The following PTPRO variants were observed in gnomAD, a reference collection of about 807,000 sequenced individuals.
PTPRO encodes receptor-type tyrosine-protein phosphatase O.
In PTPRO, 62 loss-of-function variants were observed where a neutral mutation model predicts 145.2. That is an observed-to-expected ratio of 0.43 (90% CI 0.35 to 0.53). The LOEUF (loss-of-function observed/expected upper bound fraction) is 0.53. Ranked by LOEUF, PTPRO falls within the 20% of genes least tolerant of loss-of-function variation. The probability of loss-of-function intolerance (pLI) is 0.01; values close to 1 mark genes in which losing one functional copy is unlikely to be tolerated. For synonymous variants in PTPRO, 565 were observed against 514.7 expected, an observed-to-expected ratio of 1.10 and a Z score of -1.32; for missense variants, 1,345 against 1,482.7, an observed-to-expected ratio of 0.91 and a Z score of 1.53.
rs1383369993 is a variant in PTPRO at position 15,504,083 on chromosome 12, A to T, written c.1267+14A>T. ...GCTTTTATATCAGTAAGTAACAAAGAGATCATTTTACACTTACTGGGGAGC... is the reference window on the plus strand; with the variant it reads ...GCTTTTATATCAGTAAGTAACAAAGTGATCATTTTACACTTACTGGGGAGC... On this transcript the variant is annotated intron_variant, in intron 6 of 26. Transcript: ENST00000281171. 6.2e-7 allele frequency: 1 copy of T among 1,603,366 alleles called. No individual in the cohort carries two copies. The highest frequency in any genetic ancestry group is 2.2e-5 in the East Asian group (1 of 44,704).
Position 15,580,732 on chromosome 12 carries a change from G to A in PTPRO, c.3033G>A (p.Gln1011=), listed in dbSNP as rs761033850. 6 of 1,613,914 alleles carry A rather than the reference G, an allele frequency of 3.7e-6. No individual in the cohort carries two copies. The highest frequency in any genetic ancestry group is 5.1e-6 in the Non-Finnish European group (6 of 1,179,974). ...CACCCCAGGAGTATATTGCCACCCAGGGGCCACTGCCTGAAACCAGAAATG... is the reference window on the plus strand; with the variant it reads ...CACCCCAGGAGTATATTGCCACCCAAGGGCCACTGCCTGAAACCAGAAATG... ...YNSPQEYIAT[Q]GPLPETRNDF... The change falls in exon 22 of 27, where the codon CAG becomes CAA. Residue 1011 remains glutamine, a synonymous_variant. Transcript: ENST00000281171.
intron 1 of PTPRO, among the ~76,000 whole-genome samples, chr12:15,368,436 A>G (rs1288609934): frequency 6.6e-6 from 1 of 152,214 alleles, no homozygotes; most frequent in Non-Finnish European, 1.5e-5. Context: ...CACTTTTGCC[A>G]CTGAATCACT....
At chr12:15,442,255 T>G (rs1940788850) in intron 1 of PTPRO, among the ~76,000 whole-genome samples, 2 of 152,268 alleles carry the variant, frequency 1.3e-5, no homozygotes, top group South Asian at 4.1e-4. Context: ...AACAATATGA[T>G]TATCTCAGAC....
chr12:15,504,994 G>A (rs750027295), intron 6 of PTPRO, among the ~76,000 whole-genome samples: 18 of 152,294 alleles, frequency 1.2e-4, no homozygotes, highest in South Asian at 4.1e-4. Flanking sequence ...TATCAGATGC[G>A]TAGAAAGGGT....
intron 1 of PTPRO, among the ~76,000 whole-genome samples, chr12:15,393,716 C>T (rs1939256372): frequency 6.6e-6 from 1 of 151,992 alleles, no homozygotes; most frequent in Non-Finnish European, 1.5e-5. Flanking sequence ...AAATCCTACC[C>T]AGTTCTTCCT....
At chr12:15,440,239 C>T (rs1469492970) in intron 1 of PTPRO, 1 of 638,338 alleles carries the variant, frequency 1.6e-6, no homozygotes, top group East Asian at 3.1e-5. Context: ...TTTCCAAGGC[C>T]ACCTTTGATG....
At chr12:15,370,355 C>A (rs1391954980) in intron 1 of PTPRO, among the ~76,000 whole-genome samples, 1 of 152,098 alleles carries the variant, frequency 6.6e-6, no homozygotes, top group African/African-American at 2.4e-5. Flanking sequence ...TCTGTCATAA[C>A]CAATTCAGTG....
chr12:15,554,970 A>G (rs1943578921), intron 15 of PTPRO, among the ~76,000 whole-genome samples: 1 of 152,258 alleles, frequency 6.6e-6, no homozygotes, highest in East Asian at 1.9e-4. Flanking sequence ...GGTTCTGCAC[A>G]GTGGCTCATG....
intron 1 of PTPRO, among the ~76,000 whole-genome samples, chr12:15,467,478 C>A (rs1398386608): frequency 6.6e-6 from 1 of 151,574 alleles, no homozygotes; most frequent in Non-Finnish European, 1.5e-5. Flanking sequence ...CACAACTAAT[C>A]CATTCTTAAG....
chr12:15,326,307 T>C (rs969275008), intron 1 of PTPRO, among the ~76,000 whole-genome samples: 6 of 152,216 alleles, frequency 3.9e-5, no homozygotes, highest in African/African-American at 1.2e-4. Context: ...ATAAATCATA[T>C]TGCCAACCTT....
chr12:15,521,057 C>G (rs974204299), intron 10 of PTPRO, among the ~76,000 whole-genome samples: 1 of 152,132 alleles, frequency 6.6e-6, no homozygotes, highest in African/African-American at 2.4e-5. Flanking sequence ...ATCAAAGAAA[C>G]ACTAACCCTT....
chr12:15,401,674 T>G (rs1267937152), intron 1 of PTPRO, among the ~76,000 whole-genome samples: 2 of 152,222 alleles, frequency 1.3e-5, no homozygotes, highest in Non-Finnish European at 2.9e-5. Flanking sequence ...TTTATTCATA[T>G]GAACTACACC....
rs552569505 is a variant in PTPRO at position 15,442,765 on chromosome 12, A to G, written c.76-41209A>G. Among the ~76,000 whole-genome samples the G allele has an allele frequency of 2.4e-4, 36 of 152,148 alleles. No individual in the cohort carries two copies. The South Asian group carries it at 7.3e-3, about 31-fold the overall frequency. On this transcript the variant is annotated intron_variant, in intron 1 of 26. Transcript: ENST00000281171. Reference sequence around the variant, plus strand: ...ACAATAGCCACACACACAAAAAAATACCTGGAAGTACATCTAAACAAAAGA... The same window carrying G: ...ACAATAGCCACACACACAAAAAAATGCCTGGAAGTACATCTAAACAAAAGA...
intron 25 of PTPRO, among the ~76,000 whole-genome samples, chr12:15,592,102 T>G (rs1944566253): frequency 6.6e-6 from 1 of 152,108 alleles, no homozygotes; most frequent in African/African-American, 2.4e-5. Context: ...TTTTAACTTA[T>G]GTCTAGAACA....
intron 1 of PTPRO, among the ~76,000 whole-genome samples, chr12:15,381,393 G>A (rs370483942): frequency 6.6e-6 from 1 of 152,144 alleles, no homozygotes; most frequent in South Asian, 2.1e-4. Flanking sequence ...GACCAGAAGC[G>A]TATCTCCATG....
intron 1 of PTPRO, among the ~76,000 whole-genome samples, chr12:15,372,288 G>A (rs2136260905): frequency 6.6e-6 from 1 of 152,234 alleles, no homozygotes; most frequent in Non-Finnish European, 1.5e-5. Flanking sequence ...ATGAATCTTG[G>A]TGCCTGAGGA....
At chr12:15,326,817 C>T (rs1866459099) in intron 1 of PTPRO, among the ~76,000 whole-genome samples, 1 of 151,374 alleles carries the variant, frequency 6.6e-6, no homozygotes, top group Non-Finnish European at 1.5e-5. Flanking sequence ...CCTCTCCGTA[C>T]ACAGTTTCAG....
chr12:15,416,541 G>A (rs904005448), intron 1 of PTPRO, among the ~76,000 whole-genome samples: 4 of 151,160 alleles, frequency 2.6e-5, no homozygotes, highest in African/African-American at 4.9e-5. Context: ...GGATGGTCTC[G>A]ATCTCCTGAC....
chr12:15,442,846 T>A (rs1043014496), intron 1 of PTPRO, among the ~76,000 whole-genome samples: 1 of 151,960 alleles, frequency 6.6e-6, no homozygotes, highest in African/African-American at 2.4e-5. Flanking sequence ...TGAAAAAACA[T>A]TCCATGCTCA....
Sources: allele counts gnomAD v4.1 joint callset (sites outside exome capture counted in the v4.1 genomes callset), GRCh38; gene constraint gnomAD v4.1.1; transcripts MANE v1.5; gene names NCBI Gene and HGNC (gene_info 2026-07-23, HGNC 2026-07-21).